MTMR4: variants seen among roughly 807,000 people sequenced by gnomAD.
MTMR4 encodes the protein myotubularin related protein 4, also known as phosphatidylinositol-3,5-bisphosphate 3-phosphatase MTMR4.
MTMR4 carries 30 observed loss-of-function variants against 125.5 expected under a neutral mutation model. The observed-to-expected ratio is 0.24, with a 90% CI of 0.18 to 0.32. The LOEUF (loss-of-function observed/expected upper bound fraction) is 0.32, where lower values mean the gene tolerates loss of function less well. Ranked by LOEUF, MTMR4 falls within the 10% of genes least tolerant of loss-of-function variation. The probability of loss-of-function intolerance (pLI) is 1.00; values close to 1 mark genes in which losing one functional copy is unlikely to be tolerated. For missense variants in MTMR4, 1,039 were observed against 1,511.5 expected (o/e 0.69, Z 5.18); for synonymous variants, 498 against 564.5 (o/e 0.88, Z 1.67).
chr17:58,495,198 A>C lies in MTMR4; in HGVS notation c.2986T>G (p.Trp996Gly). 6.2e-7 allele frequency: 1 copy of C among 1,614,270 alleles called. No homozygotes were observed. ...CTGPGGKNQM[W>G]LSSHPKQVSS... is the part of the protein sequence containing the mutation. ...ACTTGCTTTGGATGACTGGACAACC[A>C]CATCTGGTTCTTTCCTCCTGGGCCA... Residue 996 changes from tryptophan to glycine, a missense_variant, in exon 15 of 18, where the codon TGG becomes GGG. This residue lies in a region of MTMR4 where 619 missense variants were observed against 714.5 expected (regional missense o/e 0.87). Transcript: ENST00000682306.
intron 4 of MTMR4, 57 bp downstream of exon 4, chr17:58,511,372 C>G: frequency 1.4e-6 from 2 of 1,441,380 alleles, no homozygotes; most frequent in Non-Finnish European, 1.9e-6. Context: ...CCCTGCAGCA[C>G]AGAGAACTGG....
chr17:58,514,650 G>C (rs1433772502), upstream of MTMR4: 4 of 985,148 alleles, frequency 4.1e-6, no homozygotes, highest in African/African-American at 1.7e-5. Flanking sequence ...GCCAGGCGAG[G>C]GGAGAGCCCG....
In MTMR4 at chr17:58,491,561, G is replaced by C; in HGVS notation, c.*102C>G. ...GGATTTCTCAAGATGGTATCTCTGA[G>C]CTCTGTGATTTCATGAGCCACACCA... On this transcript the variant is annotated 3_prime_UTR_variant, in exon 18 of 18. Coordinates refer to ENST00000682306, the MANE Select transcript of MTMR4 (RefSeq NM_001378067.1). 8.3e-7 allele frequency: 1 copy of C among 1,199,570 alleles called. No individual in the cohort carries two copies. 74.3% of individuals were successfully genotyped at this position (1,199,570 alleles called of 1,614,324 possible).
intron 9 of MTMR4, 52 bp from the exon 10 acceptor site, chr17:58,505,635 C>T (rs749768904): frequency 8.3e-6 from 11 of 1,320,510 alleles, no homozygotes; most frequent in Admixed American, 1.7e-5. Context: ...AGGCCGGGCG[C>T]GGTGGCTCAC....
Position 58,494,944 on chromosome 17 carries a change from A to G in MTMR4, c.3240T>C (p.Tyr1080=). 3 of 1,613,910 alleles carry G rather than the reference A, an allele frequency of 1.9e-6. No homozygotes were observed. Among genetic ancestry groups the G allele is most frequent in the Non-Finnish European group, 2.5e-6 (3 of 1,179,876 alleles). The change falls in exon 15 of 18, where the codon TAT becomes TAC. Residue 1080 remains tyrosine, a synonymous_variant. Transcript: ENST00000682306. ...CAPPAEPPMD[Y]EDDFTCLKES... ...GGTGACTACTTACAAAATCATCCTC[A>G]TAGTCCATGGGGGGCTCTGCTGGAG...
At chr17:58,505,329 G>C in intron 10 of MTMR4, 143 bp downstream of exon 10, 1 of 672,822 alleles carries the variant, frequency 1.5e-6, no homozygotes, top group East Asian at 2.8e-5. Context: ...AGGGTTCTTG[G>C]AACTAGCCCA....
intron 1 of MTMR4, 127 bp downstream of exon 1, chr17:58,514,236 C>A: frequency 1.2e-6 from 1 of 851,066 alleles, no homozygotes; most frequent in Non-Finnish European, 1.4e-6. Flanking sequence ...AACCCACCTT[C>A]CCTGCCCCCC....
Position 58,504,312 on chromosome 17 carries a change from T to C in MTMR4, c.1518A>G (p.Glu506=). Residue 506 remains glutamate, a synonymous_variant, in exon 12 of 18, where the codon GAA becomes GAG. Transcript: ENST00000682306. The surrounding 1 kb of genome is among the most constrained non-coding windows in gnomAD (Gnocchi z 7.1). ...AGGCCTTAGGACTTACCAGGAATGC[T>C]TCATTAAATTCAAACAGGCAGGGGA... ...KQFPCLFEFN[E]AFLVKLVQHT... is the part of the protein sequence containing the mutation. 1 of 1,613,588 alleles carries C rather than the reference T, an allele frequency of 6.2e-7. No individual in the cohort carries two copies. The highest frequency in any genetic ancestry group is 8.5e-7 in the Non-Finnish European group (1 of 1,179,588).
chr17:58,494,774 TAA>T (rs1032730736), intron 15 of MTMR4, among the ~76,000 whole-genome samples, 156 bp downstream of exon 15: 13 of 152,194 alleles, frequency 8.5e-5, no homozygotes, highest in African/African-American at 3.1e-4. Context: ...TCATAGCACT[TAA>T]AAACATCATT....
At chr17:58,493,742 T>C (rs566647866) in intron 15 of MTMR4, among the ~76,000 whole-genome samples, 1 of 151,234 alleles carries the variant, frequency 6.6e-6, no homozygotes, top group East Asian at 1.9e-4. Context: ...ATTTGGCCTT[T>C]TACAAAAAAA....
intron 14 of MTMR4, among the ~76,000 whole-genome samples, chr17:58,499,249 A>C (rs1567929737): frequency 1.3e-5 from 2 of 151,648 alleles, no homozygotes; most frequent in Non-Finnish European, 2.9e-5. Flanking sequence ...TTTTAAAAAA[A>C]AAAAAACTAC....
At chr17:58,494,485 A>G (rs1279040589) in intron 15 of MTMR4, among the ~76,000 whole-genome samples, 2 of 152,076 alleles carry the variant, frequency 1.3e-5, no homozygotes, top group Admixed American at 1.3e-4. Flanking sequence ...TAATTCTCCA[A>G]TGTCACCTCC....
At position 58,507,916 on chromosome 17, in the gene MTMR4, TATAC is replaced by T. The variant is rs1228608112; in HGVS notation, c.707+241_707+244del. ...GTGTGTATAAAATAATGTACTATTT[TATAC>T]ACACACACACACACACACACACACA... On this transcript the variant is annotated intron_variant, in intron 7 of 17. Transcript: ENST00000682306. 1.8e-5 allele frequency: 6 copies of T among 325,746 alleles called. No homozygotes were observed. In the East Asian group the frequency reaches 3.6e-4, roughly 19 times the overall value. The allele number at this position is 325,746 out of a possible 1,614,324, so 20.2% of individuals were successfully genotyped here. A position where few individuals can be genotyped will look rare whatever the true frequency, so the allele number is the denominator to read the frequency against.
chr17:58,492,481 T>TTGA (rs1555645842), intron 17 of MTMR4, 30 bp downstream of exon 17: 3 of 1,604,556 alleles, frequency 1.9e-6, no homozygotes, highest in Admixed American at 3.4e-5. Context: ...CCCTGTTTTT[T>TTGA]GTCATACTAA....
chr17:58,515,243 G>A (rs551884153), upstream of MTMR4, among the ~76,000 whole-genome samples: 1 of 152,112 alleles, frequency 6.6e-6, no homozygotes, highest in African/African-American at 2.4e-5. Context: ...TAGAAGTATC[G>A]ACCACAGAAG....
chr17:58,513,015 C>A, intron 1 of MTMR4, 74 bp from the exon 2 acceptor site: 1 of 1,066,156 alleles, frequency 9.4e-7, no homozygotes, highest in Non-Finnish European at 1.4e-6. Context: ...CTCTCCCCAC[C>A]AAGAAATCCA....
rs1427224456 is a variant in MTMR4 at position 58,491,600 on chromosome 17, A to T, written c.*63T>A. 19 of 1,525,238 alleles carry T rather than the reference A, an allele frequency of 1.2e-5. No homozygotes were observed. Among genetic ancestry groups the T allele is most frequent in the Non-Finnish European group, 1.6e-5 (18 of 1,116,782 alleles). The allele number at this position is 1,525,238 out of a possible 1,614,324, so 94.5% of individuals were successfully genotyped here. ...TGAGCCACACCAAGGAACCTTCCAA[A>T]CTACAACTGAAGAAGATCCTCCCTT... is the stretch of plus-strand genomic sequence containing the variant. On this transcript the variant is annotated 3_prime_UTR_variant, in exon 18 of 18. Coordinates refer to ENST00000682306, the MANE Select transcript of MTMR4 (RefSeq NM_001378067.1).
At chr17:58,505,013 C>T in intron 10 of MTMR4, 39 bp from the exon 11 acceptor site, 3 of 1,553,996 alleles carry the variant, frequency 1.9e-6, no homozygotes. Context: ...ACAAAGGGTG[C>T]TGAGGCCACA....
chr17:58,514,469 CG>C lies in MTMR4; in HGVS notation c.-63del. 3.0e-6 allele frequency: 3 copies of C among 984,852 alleles called. No homozygotes were observed. In the South Asian group the frequency reaches 1.4e-4, roughly 46 times the overall value. 61.0% of individuals were successfully genotyped at this position (984,852 alleles called of 1,614,324 possible). On this transcript the variant is annotated 5_prime_UTR_variant, in exon 1 of 18. Transcript: ENST00000682306. Reference sequence around the variant, plus strand: ...GAGCCGCTGCGCTGCCCGCCAGCCCCGGGCGCCCGCCGCATCCCGGCTGCGG... The same window carrying C: ...GAGCCGCTGCGCTGCCCGCCAGCCCCGGCGCCCGCCGCATCCCGGCTGCGG...
Sources: allele counts gnomAD v4.1 joint callset (sites outside exome capture counted in the v4.1 genomes callset), GRCh38; gene constraint gnomAD v4.1.1; regional missense constraint gnomAD v4.1.1; non-coding constraint Gnocchi (gnomAD v3.1); transcripts MANE v1.5; gene names NCBI Gene and HGNC (gene_info 2026-07-23, HGNC 2026-07-21).